Variants in OTC observed in about 807,000 individuals in gnomAD.
The protein encoded by OTC is ornithine transcarbamylase.
Under a neutral mutation model 30.3 loss-of-function variants are expected in OTC, and 3 were observed. The observed-to-expected ratio is 0.10, with a 90% confidence interval of 0.05 to 0.26. The LOEUF is 0.26. Among genes scored for constraint, OTC ranks in the 10% least tolerant of loss-of-function variants. The probability of loss-of-function intolerance (pLI) is 1.00; values close to 1 mark genes in which losing one functional copy is unlikely to be tolerated. For synonymous variants in OTC, 111 were observed against 99.7 expected, an observed-to-expected ratio of 1.11 and a Z score of -0.67; for missense variants, 194 against 260.3, an observed-to-expected ratio of 0.75 and a Z score of 1.75.
intron 3 of OTC, among the ~76,000 whole-genome samples, chrX:38,373,438 G>C (rs1246398137): frequency 8.9e-6 from 1 of 112,585 alleles, no homozygotes; most frequent in Admixed American, 9.4e-5. Context: ...ATTCTCCTAT[G>C]AGTCTACCAA....
the OTC span, among the ~76,000 whole-genome samples, chrX:38,338,565 C>G: frequency 1.8e-5 from 2 of 112,395 alleles, no homozygotes; most frequent in Admixed American, 1.9e-4. Flanking sequence ...ATAAATAATA[C>G]ATCCACACTT....
chrX:38,397,025 G>A (rs749454474), intron 4 of OTC, among the ~76,000 whole-genome samples: 6 of 110,695 alleles, frequency 5.4e-5, no homozygotes, highest in Non-Finnish European at 1.1e-4. Context: ...GGCTTATGCA[G>A]ATAAAAACAA....
intron 9 of OTC, 129 bp from the exon 10 acceptor site, chrX:38,420,894 C>A (rs1281660529): frequency 2.6e-5 from 13 of 496,674 alleles, no homozygotes; most frequent in Non-Finnish European, 4.3e-5. Flanking sequence ...TGTTCTCTTA[C>A]CATTTTCTTG....
At chrX:38,358,277 A>C (rs1270854997) in intron 1 of OTC, among the ~76,000 whole-genome samples, 1 of 111,015 alleles carries the variant, frequency 9.0e-6, no homozygotes, top group Non-Finnish European at 1.9e-5. Flanking sequence ...GAAAAAAAAA[A>C]AGGAGGCCTG....
Position 38,421,372 on chromosome X carries a change from G to A in OTC, c.*290G>A, listed in dbSNP as rs1421741813. On this transcript the variant is annotated 3_prime_UTR_variant, in exon 10 of 10. Transcript: ENST00000039007. ...CATTTACTTCAACATAAAATACTGT[G>A]TTCATAATGTATAATGTCTAAGCCA... 3.9e-5 allele frequency: 11 copies of A among 283,862 alleles called. No individual in the cohort carries two copies. Among genetic ancestry groups the A allele is most frequent in the Non-Finnish European group, 6.3e-5 (10 of 158,150 alleles). 23.4% of individuals were successfully genotyped at this position (283,862 alleles called of 1,213,427 possible).
intron 1 of OTC, among the ~76,000 whole-genome samples, chrX:38,362,019 C>A (rs5963417): frequency 0.41 from 45,440 of 109,981 alleles, 7,200 homozygotes; most frequent in Middle Eastern, 0.55. Context: ...TGCTAAGTGA[C>A]ATAAGCCATG....
intron 3 of OTC, among the ~76,000 whole-genome samples, chrX:38,374,691 T>C (rs1166731012): frequency 9.0e-6 from 1 of 111,437 alleles, no homozygotes; most frequent in Non-Finnish European, 1.9e-5. Context: ...AAATGACTTA[T>C]CATCAAAGAA....
chrX:38,360,732 C>T (rs780325858), intron 1 of OTC, among the ~76,000 whole-genome samples: 2 of 112,206 alleles, frequency 1.8e-5, no homozygotes, highest in African/African-American at 3.2e-5. Flanking sequence ...TAGGCCACTA[C>T]GAACACAGTT....
At chrX:38,408,835 G>T in intron 7 of OTC, 40 bp downstream of exon 7, 2 of 1,207,855 alleles carry the variant, frequency 1.7e-6, no homozygotes, top group Non-Finnish European at 1.1e-6. Context: ...GCCTTTTACT[G>T]TCCCATGAAG....
chrX:38,342,172 G>A, the OTC span, among the ~76,000 whole-genome samples: 1 of 108,136 alleles, frequency 9.2e-6, no homozygotes, highest in Non-Finnish European at 1.9e-5. Context: ...ACAGGTGTCC[G>A]CCACCATGCC....
At chrX:38,422,173 G>A (rs1249708338), downstream of OTC, among the ~76,000 whole-genome samples, 6 of 111,546 alleles carry the variant, frequency 5.4e-5, no homozygotes, top group Admixed American at 4.8e-4. Flanking sequence ...AATGTTTCCA[G>A]GCTGGTTGAC....
rs1052206430 is a variant in OTC at position 38,401,275 on chromosome X, T to C, written c.387T>C (p.Arg129=). The C allele has an allele frequency of 1.2e-5, 14 of 1,199,122 alleles. No individual in the cohort carries two copies. Among genetic ancestry groups the C allele is most frequent in the Non-Finnish European group, 1.6e-5 (14 of 884,076 alleles). ...GVNESLTDTA[R]VLSSMADAVL... ...TTATCTTTTTCTTGGTTTGCCACAG[T>C]GTATTGTCTAGCATGGCAGATGCAG... Residue 129 remains arginine, a splice_region_variant and synonymous_variant, in exon 5 of 10, where the codon CGT becomes CGC. Coordinates refer to ENST00000039007, the MANE Select transcript of OTC (RefSeq NM_000531.6).
chrX:38,410,659 TATC>T (rs748316943), intron 8 of OTC, among the ~76,000 whole-genome samples: 44 of 112,176 alleles, frequency 3.9e-4, no homozygotes, highest in African/African-American at 1.3e-3. Flanking sequence ...GCTAATCCCT[TATC>T]ATGTGGAATA....
chrX:38,404,517 G>A (rs1379834414), intron 6 of OTC, among the ~76,000 whole-genome samples: 2 of 111,768 alleles, frequency 1.8e-5, no homozygotes, highest in African/African-American at 6.5e-5. Context: ...GTTGTTGTGG[G>A]AACATCATAC....
the OTC span, among the ~76,000 whole-genome samples, chrX:38,342,398 T>G: frequency 7.2e-5 from 8 of 110,997 alleles, no homozygotes; most frequent in Non-Finnish European, 1.5e-4. Context: ...TGTAGGAAAG[T>G]GATTAGAATA....
At chrX:38,420,980 G>T in intron 9 of OTC, 43 bp from the exon 10 acceptor site, 1 of 1,024,981 alleles carries the variant, frequency 9.8e-7, no homozygotes. Flanking sequence ...GCAGACTGTC[G>T]CTAATGTTTA....
chrX:38,350,105 C>T, upstream of OTC, among the ~76,000 whole-genome samples: 1 of 110,988 alleles, frequency 9.0e-6, no homozygotes, highest in African/African-American at 3.3e-5. Context: ...TCCCCACCCC[C>T]TGATGATAGA....
At chrX:38,342,310 G>A in the OTC span, among the ~76,000 whole-genome samples, 1 of 110,962 alleles carries the variant, frequency 9.0e-6, no homozygotes, top group African/African-American at 3.3e-5. Context: ...ACCATGCCCA[G>A]CCTGAATTTC....
chrX:38,356,362 A>G (rs2068241606), intron 1 of OTC, among the ~76,000 whole-genome samples: 1 of 111,976 alleles, frequency 8.9e-6, no homozygotes, highest in Non-Finnish European at 1.9e-5. Context: ...CTAGTCACTC[A>G]GTGCTCAATA....
Sources: allele counts gnomAD v4.1 joint callset (sites outside exome capture counted in the v4.1 genomes callset), GRCh38; gene constraint gnomAD v4.1.1; transcripts MANE v1.5; gene names NCBI Gene and HGNC (gene_info 2026-07-23, HGNC 2026-07-21).